PCGF5: variants seen among roughly 807,000 people sequenced by gnomAD.
PCGF5 encodes the protein polycomb group ring finger 5, also known as polycomb group RING finger protein 5.
A neutral mutation model predicts 44.3 loss-of-function variants in PCGF5; 9 were observed. That is an observed-to-expected ratio of 0.20 (90% CI 0.12 to 0.35). The LOEUF (loss-of-function observed/expected upper bound fraction) is 0.35. Ranked by LOEUF, PCGF5 falls within the 10% of genes least tolerant of loss-of-function variation. The probability of loss-of-function intolerance (pLI) is 1.00; values close to 1 mark genes in which losing one functional copy is unlikely to be tolerated. For synonymous variants in PCGF5, 95 were observed against 102.5 expected, an observed-to-expected ratio of 0.93 and a Z score of 0.44; for missense variants, 146 against 305.3, an observed-to-expected ratio of 0.48 and a Z score of 3.89.
At chr10:91,226,309 A>AAT (rs2133294560) in intron 2 of PCGF5, among the ~76,000 whole-genome samples, 1 of 151,256 alleles carries the variant, frequency 6.6e-6, no homozygotes, top group East Asian at 1.9e-4. Context: ...AAAAAAAAAA[A>AAT]AAAAATGCTG....
intron 1 of PCGF5, among the ~76,000 whole-genome samples, chr10:91,189,562 T>C (rs1291827729): frequency 6.6e-6 from 1 of 152,278 alleles, no homozygotes; most frequent in Non-Finnish European, 1.5e-5. Flanking sequence ...TATTCTAATA[T>C]ACCCTTACCA....
chr10:91,268,186 T>G (rs1044724036), intron 8 of PCGF5, among the ~76,000 whole-genome samples: 1 of 152,088 alleles, frequency 6.6e-6, no homozygotes, highest in African/African-American at 2.4e-5. Flanking sequence ...GCATTACACA[T>G]CATCTACCTT....
At chr10:91,176,548 C>T (rs1299092837) in intron 1 of PCGF5, among the ~76,000 whole-genome samples, 1 of 152,204 alleles carries the variant, frequency 6.6e-6, no homozygotes, top group Non-Finnish European at 1.5e-5. Flanking sequence ...TCAGGTACAC[C>T]AATCAGACAT....
At chr10:91,249,278 C>G (rs2133374070) in intron 5 of PCGF5, among the ~76,000 whole-genome samples, 1 of 151,060 alleles carries the variant, frequency 6.6e-6, no homozygotes, top group South Asian at 2.1e-4. Flanking sequence ...CCAGATTTCT[C>G]CTCTGGGTCC....
chr10:91,205,360 C>G (rs1373308929), intron 1 of PCGF5, among the ~76,000 whole-genome samples: 1 of 152,062 alleles, frequency 6.6e-6, no homozygotes, highest in Non-Finnish European at 1.5e-5. Flanking sequence ...CCAGGTCAGA[C>G]GTGGCACTCT....
At chr10:91,248,795 TA>T in intron 5 of PCGF5, 71 bp downstream of exon 5, 1 of 1,250,440 alleles carries the variant, frequency 8.0e-7, no homozygotes, top group Non-Finnish European at 1.1e-6. Flanking sequence ...TTAGGTGAAC[TA>T]ATATGTCTCT....
intron 1 of PCGF5, among the ~76,000 whole-genome samples, chr10:91,173,229 C>T (rs1429007399): frequency 6.6e-6 from 1 of 152,156 alleles, no homozygotes; most frequent in Non-Finnish European, 1.5e-5. Flanking sequence ...ACAAAGATGA[C>T]TATTGAAATT....
chr10:91,161,614 CAAGGGTTACTT>C (rs1228236503), upstream of PCGF5, among the ~76,000 whole-genome samples: 1 of 152,216 alleles, frequency 6.6e-6, no homozygotes, highest in Non-Finnish European at 1.5e-5. Flanking sequence ...TTTTATTCCT[CAAGGGTTACTT>C]AAGTGCCCAT....
intron 2 of PCGF5, 78 bp downstream of exon 2, chr10:91,223,061 T>G: frequency 1.1e-6 from 1 of 946,740 alleles, no homozygotes; most frequent in Non-Finnish European, 1.7e-6. Context: ...CATGTTTTGT[T>G]TTTATCTATG....
upstream of PCGF5, among the ~76,000 whole-genome samples, chr10:91,158,211 T>C (rs185223899): frequency 2.6e-5 from 4 of 152,326 alleles, no homozygotes; most frequent in Admixed American, 2.6e-4. Context: ...TGTGGTGTGA[T>C]ATGAAGGTGT....
At chr10:91,178,853 A>G (rs921713890) in intron 1 of PCGF5, among the ~76,000 whole-genome samples, 9 of 152,232 alleles carry the variant, frequency 5.9e-5, no homozygotes, top group African/African-American at 9.6e-5. Flanking sequence ...AAAAACTGCA[A>G]TTACTTTTGC....
At position 91,279,855 on chromosome 10, in the gene PCGF5, T is replaced by C. The variant is rs1353120944; in HGVS notation, c.*1539T>C. ...CAATGCCTTCTGAATTTCAAAATGA[T>C]TCTTAGAAATAAGATATTGTACAAC... On this transcript the variant is annotated 3_prime_UTR_variant, in exon 10 of 10. Coordinates refer to ENST00000336126, the MANE Select transcript of PCGF5 (RefSeq NM_032373.5). 2 of 152,116 alleles carry C rather than the reference T, an allele frequency of 1.3e-5. No homozygotes were observed. The highest frequency in any genetic ancestry group is 2.4e-5 in the African/African-American group (1 of 41,462). The allele number at this position is 152,116 out of a possible 1,614,324, so 9.4% of individuals were successfully genotyped here.
At chr10:91,165,033 T>A (rs1843475199) in intron 1 of PCGF5, among the ~76,000 whole-genome samples, 1 of 152,236 alleles carries the variant, frequency 6.6e-6, no homozygotes, top group Admixed American at 6.5e-5. Flanking sequence ...CGTGAATGAA[T>A]AAACTCTTTT....
intron 1 of PCGF5, among the ~76,000 whole-genome samples, chr10:91,180,839 T>C (rs1015307239): frequency 3.3e-5 from 5 of 152,214 alleles, no homozygotes; most frequent in African/African-American, 1.2e-4. Context: ...TCAGGCTCTT[T>C]TTTGGTTCCA....
chr10:91,181,471 A>T (rs1843818258), intron 1 of PCGF5, among the ~76,000 whole-genome samples: 1 of 152,222 alleles, frequency 6.6e-6, no homozygotes, highest in Non-Finnish European at 1.5e-5. Context: ...TTGCTCATTC[A>T]GTATGATGTT....
chr10:91,262,966 A>G (rs1000403429), intron 7 of PCGF5, among the ~76,000 whole-genome samples: 2 of 152,180 alleles, frequency 1.3e-5, no homozygotes, highest in African/African-American at 4.8e-5. Context: ...TACTAAGAGA[A>G]CTGTTACTCT....
chr10:91,223,009 C>T (rs1339336717), intron 2 of PCGF5, 26 bp downstream of exon 2: 1 of 1,411,826 alleles, frequency 7.1e-7, no homozygotes, highest in Non-Finnish European at 1.0e-6. Flanking sequence ...GGTTATTATA[C>T]CTATCAAAGT....
At position 91,284,186 on chromosome 10, in the gene PCGF5, T is replaced by A. The variant is rs1385458367; in HGVS notation, c.*5870T>A. On this transcript the variant is annotated 3_prime_UTR_variant, in exon 10 of 10. Transcript: ENST00000336126. ...TGTTGGGCTAGATACTTTTTTTTTT[T>A]AATCTGGACTTAGCCAAGTATATTT... The A allele has an allele frequency of 2.0e-5, 3 of 152,656 alleles. No individual in the cohort carries two copies. The South Asian group carries it at 6.2e-4, about 32-fold the overall frequency. 9.5% of individuals were successfully genotyped at this position (152,656 alleles called of 1,614,324 possible). A position where few individuals can be genotyped will look rare whatever the true frequency, so the allele number is the denominator to read the frequency against.
intron 1 of PCGF5, among the ~76,000 whole-genome samples, chr10:91,166,902 A>G (rs1052247454): frequency 2.6e-5 from 4 of 152,204 alleles, no homozygotes; most frequent in Admixed American, 6.5e-5. Context: ...TATAGTTATG[A>G]CTACAGATTT....
Sources: gnomAD v4.1 joint callset for allele counts (sites outside exome capture counted in the v4.1 genomes callset) on GRCh38, gnomAD v4.1.1 for gene constraint, MANE v1.5 for transcripts, NCBI Gene and HGNC (gene_info 2026-07-23, HGNC 2026-07-21) for gene names.